TACR3: variants seen among roughly 807,000 people sequenced by gnomAD.
TACR3 encodes neuromedin-K receptor.
In TACR3, 34 loss-of-function variants were observed where a neutral mutation model predicts 35.0. The observed-to-expected ratio is 0.97, with a 90% CI of 0.74 to 1.30. The LOEUF (loss-of-function observed/expected upper bound fraction) is 1.30. TACR3 is among the 50% of genes most tolerant of loss of function. The pLI, the probability that TACR3 is intolerant of heterozygous loss-of-function variation, is 0.00. For missense variants in TACR3, 558 were observed against 591.7 expected (o/e 0.94, Z 0.59); for synonymous variants, 233 against 221.1 (o/e 1.05, Z -0.48).
intron 3 of TACR3, among the ~76,000 whole-genome samples, chr4:103,652,778 C>T (rs1725650978): frequency 6.6e-6 from 1 of 151,612 alleles, no homozygotes; most frequent in Non-Finnish European, 1.5e-5. Flanking sequence ...ATGTCTATGT[C>T]CAATCTGTAA....
At chr4:103,702,117 T>C (rs538435377) in intron 1 of TACR3, among the ~76,000 whole-genome samples, 3 of 152,240 alleles carry the variant, frequency 2.0e-5, no homozygotes, top group South Asian at 2.1e-4. Context: ...ATAGGCAACC[T>C]ACAGAATGGG....
At chr4:103,602,025 A>G (rs977094518) in intron 3 of TACR3, among the ~76,000 whole-genome samples, 1 of 152,240 alleles carries the variant, frequency 6.6e-6, no homozygotes, top group South Asian at 2.1e-4. Context: ...AGGTACACCA[A>G]TCAGACGTAG....
At chr4:103,616,090 A>G (rs897722395) in intron 3 of TACR3, among the ~76,000 whole-genome samples, 5 of 152,254 alleles carry the variant, frequency 3.3e-5, no homozygotes, top group Non-Finnish European at 7.3e-5. Context: ...CAGTAATGTC[A>G]GAAATTCATG....
chr4:103,652,266 A>G (rs1461409246), intron 3 of TACR3, among the ~76,000 whole-genome samples: 1 of 152,078 alleles, frequency 6.6e-6, no homozygotes, highest in Non-Finnish European at 1.5e-5. Flanking sequence ...TCAACTTCTG[A>G]CCCGTGGGAT....
chr4:103,633,809 T>G (rs1725120831), intron 3 of TACR3, among the ~76,000 whole-genome samples: 1 of 152,114 alleles, frequency 6.6e-6, no homozygotes, highest in African/African-American at 2.4e-5. Flanking sequence ...GTCTTGGGGT[T>G]TAATTCCTCC....
intron 1 of TACR3, among the ~76,000 whole-genome samples, chr4:103,685,395 A>C (rs1191172297): frequency 2.0e-5 from 3 of 152,214 alleles, no homozygotes; most frequent in East Asian, 3.8e-4. Flanking sequence ...TAAAACATTA[A>C]AACAACAAAA....
At chr4:103,621,621 A>G (rs552735540) in intron 3 of TACR3, among the ~76,000 whole-genome samples, 16 of 152,352 alleles carry the variant, frequency 1.1e-4, no homozygotes, top group African/African-American at 3.8e-4. Context: ...CTTGTCATTC[A>G]TTGAACATTG....
intron 3 of TACR3, among the ~76,000 whole-genome samples, chr4:103,617,120 T>C (rs545808672): frequency 7.2e-5 from 11 of 152,220 alleles, no homozygotes; most frequent in African/African-American, 2.6e-4. Flanking sequence ...CAAAAAATTA[T>C]GAGACATGTG....
At chr4:103,712,494 A>C (rs1044978003) in intron 1 of TACR3, among the ~76,000 whole-genome samples, 8 of 152,360 alleles carry the variant, frequency 5.3e-5, no homozygotes, top group Middle Eastern at 3.4e-3. Flanking sequence ...TAAAGACTTA[A>C]ATGTTAGACC....
intron 1 of TACR3, among the ~76,000 whole-genome samples, chr4:103,660,466 T>G (rs1037057047): frequency 2.6e-5 from 4 of 151,924 alleles, no homozygotes; most frequent in African/African-American, 9.7e-5. Context: ...GTACCTATAG[T>G]TAGCAATAAA....
chr4:103,653,046 A>G (rs1725656857), intron 3 of TACR3, among the ~76,000 whole-genome samples: 1 of 152,168 alleles, frequency 6.6e-6, no homozygotes, highest in South Asian at 2.1e-4. Flanking sequence ...GCTCATACCA[A>G]TAACTGACTG....
At chr4:103,601,532 C>T (rs1004679915) in intron 3 of TACR3, among the ~76,000 whole-genome samples, 1 of 152,076 alleles carries the variant, frequency 6.6e-6, no homozygotes, top group Non-Finnish European at 1.5e-5. Context: ...ACTGGTTGTT[C>T]CTTTCCATGT....
intron 1 of TACR3, among the ~76,000 whole-genome samples, chr4:103,663,660 T>C (rs959473690): frequency 2.6e-5 from 4 of 152,178 alleles, no homozygotes; most frequent in African/African-American, 7.2e-5. Flanking sequence ...CAAAATACTG[T>C]TGTAGAAAGG....
chr4:103,674,171 G>T (rs1726115796), intron 1 of TACR3, among the ~76,000 whole-genome samples: 1 of 152,100 alleles, frequency 6.6e-6, no homozygotes, highest in Admixed American at 6.6e-5. Flanking sequence ...TATATGAAAG[G>T]CTGTAGTGAG....
intron 1 of TACR3, among the ~76,000 whole-genome samples, chr4:103,695,356 A>T (rs1722499057): frequency 6.6e-6 from 1 of 152,090 alleles, no homozygotes; most frequent in Non-Finnish European, 1.5e-5. Context: ...AGACAGCAAG[A>T]TCAACCCCTC....
Position 103,613,486 on chromosome 4 carries a change from AT to A in TACR3, c.889-21804del, listed in dbSNP as rs764749592. ...AGGTGTGCGCTACCACGCCCGGCTA[AT>A]TTTTTTTTTTTTTGTACTATTGGTG... On this transcript the variant is annotated intron_variant, in intron 3 of 4. Coordinates refer to ENST00000304883, the MANE Select transcript of TACR3 (RefSeq NM_001059.3). 9.2e-3 allele frequency among the ~76,000 whole-genome samples: 1,321 copies of A among 144,302 alleles called. 6 individuals are homozygous for A. Among genetic ancestry groups the A allele is most frequent in the Middle Eastern group, 0.011 (3 of 280 alleles). 94.7% of individuals were successfully genotyped at this position (144,302 alleles called of 152,430 possible). A position where few individuals can be genotyped will look rare whatever the true frequency, so the allele number is the denominator to read the frequency against.
chr4:103,605,776 C>T (rs1336765086), intron 3 of TACR3, among the ~76,000 whole-genome samples: 2 of 151,650 alleles, frequency 1.3e-5, no homozygotes, highest in East Asian at 1.9e-4. Context: ...TTGTAGGTTG[C>T]CTGTTCACTC....
intron 1 of TACR3, among the ~76,000 whole-genome samples, chr4:103,686,810 C>T (rs529398705): frequency 6.6e-6 from 1 of 152,204 alleles, no homozygotes; most frequent in East Asian, 1.9e-4. Context: ...CAAATTCTAC[C>T]AGAGGTACAA....
At chr4:103,693,143 A>T in intron 1 of TACR3, among the ~76,000 whole-genome samples, 1 of 152,126 alleles carries the variant, frequency 6.6e-6, no homozygotes, top group East Asian at 1.9e-4. Context: ...TGCATACATT[A>T]TATCATTATG....
Sources: allele counts gnomAD v4.1 joint callset (sites outside exome capture counted in the v4.1 genomes callset), GRCh38; gene constraint gnomAD v4.1.1; transcripts MANE v1.5; gene names NCBI Gene and HGNC (gene_info 2026-07-23, HGNC 2026-07-21).